PELI2: variants seen among roughly 807,000 people sequenced by gnomAD.
The protein encoded by PELI2 is pellino E3 ubiquitin protein ligase family member 2.
A neutral mutation model predicts 42.3 loss-of-function variants in PELI2; 23 were observed. The ratio of observed to expected loss-of-function variants is 0.54; its 90% confidence interval spans 0.39 to 0.77. PELI2 has a LOEUF of 0.77. PELI2 is among the 30% of genes least tolerant of loss of function. PELI2 has a pLI of 0.00. For synonymous variants in PELI2, 245 were observed against 212.2 expected, an observed-to-expected ratio of 1.15 and a Z score of -1.34; for missense variants, 463 against 553.2, an observed-to-expected ratio of 0.84 and a Z score of 1.64.
At chr14:56,204,078 C>G (rs899996191) in intron 2 of PELI2, among the ~76,000 whole-genome samples, 9 of 152,162 alleles carry the variant, frequency 5.9e-5, no homozygotes, top group Non-Finnish European at 8.8e-5. Flanking sequence ...GACCTGCCAG[C>G]CCAAATATCA....
intron 2 of PELI2, among the ~76,000 whole-genome samples, chr14:56,253,857 A>G (rs553553482): frequency 3.9e-5 from 6 of 152,316 alleles, no homozygotes; most frequent in Admixed American, 1.3e-4. Flanking sequence ...TAAATTTCAT[A>G]TGGAACAAAA....
intron 2 of PELI2, among the ~76,000 whole-genome samples, chr14:56,231,192 A>C (rs1037555467): frequency 4.6e-5 from 7 of 152,236 alleles, no homozygotes; most frequent in African/African-American, 1.7e-4. Flanking sequence ...AACATTAGAC[A>C]GATCAACGAG....
At chr14:56,272,818 G>C (rs776010431) in intron 2 of PELI2, among the ~76,000 whole-genome samples, 1 of 152,312 alleles carries the variant, frequency 6.6e-6, no homozygotes, top group Admixed American at 6.5e-5. Context: ...CATAGACCCT[G>C]CTCTGTGTAG....
At chr14:56,188,799 C>T (rs956527724) in intron 2 of PELI2, among the ~76,000 whole-genome samples, 1 of 152,066 alleles carries the variant, frequency 6.6e-6, no homozygotes, top group Non-Finnish European at 1.5e-5. Context: ...TGTTTAGTTT[C>T]CCTGTTTAAT....
intron 1 of PELI2, among the ~76,000 whole-genome samples, chr14:56,169,738 C>G (rs1369306535): frequency 6.6e-6 from 1 of 152,152 alleles, no homozygotes; most frequent in Non-Finnish European, 1.5e-5. Context: ...TGAGGTGGGA[C>G]AATGGGTGGA....
rs189773549 is a variant in PELI2 at position 56,298,603 on chromosome 14, A to T, written c.*1437A>T. ...CATATACGTAATTTATATGATTCTA[A>T]TGTACTATATCCATACTTGAATTGG... On this transcript the variant is annotated 3_prime_UTR_variant, in exon 6 of 6. Coordinates refer to ENST00000267460, the MANE Select transcript of PELI2 (RefSeq NM_021255.3). 3 of 152,626 alleles carry T rather than the reference A, an allele frequency of 2.0e-5. No individual in the cohort carries two copies. The highest frequency in any genetic ancestry group is 4.4e-5 in the Non-Finnish European group (3 of 68,030). 9.5% of individuals were successfully genotyped at this position (152,626 alleles called of 1,614,324 possible).
rs1318634411 is a variant in PELI2 at position 56,138,452 on chromosome 14, T to A, written c.77+19715T>A. ...AACTTTTTAATCAAAGTACAGGTGA[T>A]TCTGTGGTTCTTTTTTTTTTTTAAA... On this transcript the variant is annotated intron_variant, in intron 1 of 5. Coordinates refer to ENST00000267460, the MANE Select transcript of PELI2 (RefSeq NM_021255.3). Among the ~76,000 whole-genome samples the A allele has an allele frequency of 3.3e-5, 5 of 150,608 alleles. No individual in the cohort carries two copies. In the East Asian group the frequency reaches 1.0e-3, roughly 31 times the overall value.
At position 56,133,865 on chromosome 14, in the gene PELI2, G is replaced by A. The variant is rs528000398; in HGVS notation, c.77+15128G>A. Among the ~76,000 whole-genome samples, 6 of 152,198 alleles carry A rather than the reference G, an allele frequency of 3.9e-5. No individual in the cohort carries two copies. The South Asian group carries it at 1.2e-3, about 32-fold the overall frequency. On this transcript the variant is annotated intron_variant, in intron 1 of 5. Transcript: ENST00000267460. ...TCAGCTGCCATCTGTCCCAGTACCT[G>A]GTGTACCTGGCACTACATGGAGGGT...
intron 2 of PELI2, among the ~76,000 whole-genome samples, chr14:56,259,342 CTCTT>C (rs1475444322): frequency 1.3e-5 from 2 of 152,078 alleles, no homozygotes; most frequent in Non-Finnish European, 2.9e-5. Context: ...TATTTTTGAT[CTCTT>C]TAAAAGAATA....
At chr14:56,209,669 G>A (rs1886645671) in intron 2 of PELI2, among the ~76,000 whole-genome samples, 1 of 152,150 alleles carries the variant, frequency 6.6e-6, no homozygotes, top group Admixed American at 6.5e-5. Flanking sequence ...AGCTTTTGGG[G>A]ATTTTCCAGT....
intron 1 of PELI2, among the ~76,000 whole-genome samples, chr14:56,142,429 T>C (rs1021798315): frequency 2.6e-5 from 4 of 152,106 alleles, no homozygotes; most frequent in African/African-American, 9.7e-5. Flanking sequence ...GGTGGTGAGC[T>C]CCCTGCGTGG....
rs541805545 is a variant in PELI2, at chr14:56,206,544, A to G, written c.207+28080A>G. On this transcript the variant is annotated intron_variant, in intron 2 of 5. Transcript: ENST00000267460. Reference sequence around the variant, plus strand: ...TAAAAATGTGTTATTTCTATTTCCTATATTCCATTAAAAGCCACTTTGTTT... The same window carrying G: ...TAAAAATGTGTTATTTCTATTTCCTGTATTCCATTAAAAGCCACTTTGTTT... Among the ~76,000 whole-genome samples the G allele has an allele frequency of 4.6e-5, 7 of 152,070 alleles. No homozygotes were observed. The South Asian group carries it at 8.3e-4, about 18-fold the overall frequency.
intron 2 of PELI2, among the ~76,000 whole-genome samples, chr14:56,232,520 C>A (rs1169583895): frequency 2.0e-5 from 3 of 152,120 alleles, no homozygotes; most frequent in African/African-American, 7.2e-5. Flanking sequence ...ACATGATTAT[C>A]TCAATAGATG....
At chr14:56,134,331 AC>A (rs1398496934) in intron 1 of PELI2, among the ~76,000 whole-genome samples, 1 of 152,228 alleles carries the variant, frequency 6.6e-6, no homozygotes, top group Non-Finnish European at 1.5e-5. Flanking sequence ...ACATATTTTG[AC>A]AGTGATAAAG....
chr14:56,118,781 G>C, intron 1 of PELI2, 44 bp downstream of exon 1: 1 of 1,328,434 alleles, frequency 7.5e-7, no homozygotes, highest in South Asian at 1.4e-5. Context: ...CGCGGGCGGG[G>C]AGCGCCCGCA....
intron 2 of PELI2, among the ~76,000 whole-genome samples, chr14:56,277,578 C>T (rs1447314284): frequency 6.6e-6 from 1 of 152,014 alleles, no homozygotes; most frequent in Non-Finnish European, 1.5e-5. Context: ...ATCCCCAAAC[C>T]ATCCCCCTGA....
Position 56,297,066 on chromosome 14 carries a change from A to G in PELI2, c.1163A>G (p.His388Arg), listed in dbSNP as rs1890035453. The change falls in exon 6 of 6, where the codon CAT becomes CGT. Residue 388 changes from histidine (H) to arginine (R), a missense_variant. Around this residue, in one of 3 missense-constraint regions of PELI2, gnomAD observed 103 missense variants for 129.6 expected, o/e 0.80. Transcript: ENST00000267460. ...TACTGGTCTCAGATCCCGTTGCCTC[A>G]TGGAACTCATGCATTTCACGCTGCT... ...AKYWSQIPLP[H>R]GTHAFHAACP... 4 of 1,612,940 alleles carry G rather than the reference A, an allele frequency of 2.5e-6. No individual in the cohort carries two copies. The highest frequency in any genetic ancestry group is 2.5e-6 in the Non-Finnish European group (3 of 1,179,982).
chr14:56,141,892 A>C (rs1044520273), intron 1 of PELI2, among the ~76,000 whole-genome samples: 1 of 152,238 alleles, frequency 6.6e-6, no homozygotes, highest in Non-Finnish European at 1.5e-5. Context: ...ATTTCATGAC[A>C]AGGAAAATTC....
At chr14:56,223,484 G>A (rs528446819) in intron 2 of PELI2, among the ~76,000 whole-genome samples, 2 of 152,110 alleles carry the variant, frequency 1.3e-5, no homozygotes, top group African/African-American at 2.4e-5. Flanking sequence ...GTCTCTACTC[G>A]CATGTTGTCC....
Sources: allele counts gnomAD v4.1 joint callset (sites outside exome capture counted in the v4.1 genomes callset), GRCh38; gene constraint gnomAD v4.1.1; regional missense constraint gnomAD v4.1.1; transcripts MANE v1.5; gene names NCBI Gene and HGNC (gene_info 2026-07-23, HGNC 2026-07-21).